The following NIPBL variants were observed in gnomAD, a reference collection of about 807,000 sequenced individuals.
The protein encoded by NIPBL is nipped-B-like protein.
In NIPBL, 19 loss-of-function variants were observed where a neutral mutation model predicts 321.8. The ratio of observed to expected loss-of-function variants is 0.06; its 90% CI spans 0.04 to 0.09. The LOEUF (loss-of-function observed/expected upper bound fraction) is 0.09. NIPBL is among the 10% of genes least tolerant of loss of function. The probability of loss-of-function intolerance (pLI) is 1.00; values close to 1 mark genes in which losing one functional copy is unlikely to be tolerated. For synonymous variants in NIPBL, 1,106 were observed against 1,114.1 expected (o/e 0.99, Z 0.14); for missense variants, 2,210 against 3,327.0 (o/e 0.66, Z 8.26).
chr5:36,890,410 A>G (rs1746233095), intron 1 of NIPBL, among the ~76,000 whole-genome samples: 1 of 152,220 alleles, frequency 6.6e-6, no homozygotes, highest in Admixed American at 6.5e-5. Context: ...TTTCATTCAC[A>G]TCTTAATTCA....
At chr5:36,912,492 G>C (rs1748120586) in intron 1 of NIPBL, among the ~76,000 whole-genome samples, 1 of 150,982 alleles carries the variant, frequency 6.6e-6, no homozygotes, top group African/African-American at 2.4e-5. Context: ...TAGAGAACAT[G>C]TATTACTGAT....
At chr5:36,978,480 C>T (rs1743763813) in intron 9 of NIPBL, among the ~76,000 whole-genome samples, 1 of 151,628 alleles carries the variant, frequency 6.6e-6, no homozygotes, top group Non-Finnish European at 1.5e-5. Flanking sequence ...TATAGATTCT[C>T]AGTATTAGAC....
chr5:37,063,747 A>C (rs1242922256), intron 45 of NIPBL, 43 bp from the exon 46 acceptor site: 12 of 1,559,498 alleles, frequency 7.7e-6, no homozygotes, highest in Non-Finnish European at 1.0e-5. Context: ...ATCTTGCTTG[A>C]AATATTTACT....
intron 1 of NIPBL, among the ~76,000 whole-genome samples, chr5:36,945,084 A>C (rs1289941623): frequency 6.6e-6 from 1 of 152,154 alleles, no homozygotes; most frequent in African/African-American, 2.4e-5. Context: ...ATGAGAAATA[A>C]ATTTTGTTTT....
chr5:36,995,933 GT>G (rs146311166), intron 11 of NIPBL, 129 bp downstream of exon 11: 1 of 764,238 alleles, frequency 1.3e-6, no homozygotes, highest in Admixed American at 2.7e-5. Flanking sequence ...AGTATAGTAA[GT>G]TTTTTTCTCT....
At chr5:36,905,980 G>A (rs1175328916) in intron 1 of NIPBL, among the ~76,000 whole-genome samples, 3 of 151,996 alleles carry the variant, frequency 2.0e-5, no homozygotes, top group East Asian at 1.9e-4. Context: ...TCCTGACCTC[G>A]TGATCCGCCC....
intron 1 of NIPBL, among the ~76,000 whole-genome samples, chr5:36,952,070 G>GCGCA (rs1554010339): frequency 7.2e-6 from 1 of 139,228 alleles, no homozygotes; most frequent in Non-Finnish European, 1.6e-5. Context: ...GCGCGCGCGC[G>GCGCA]CGCATGTGTG....
chr5:37,018,901 G>A (rs146899607), intron 24 of NIPBL, among the ~76,000 whole-genome samples: 21 of 152,108 alleles, frequency 1.4e-4, no homozygotes, highest in East Asian at 5.8e-4. Flanking sequence ...TCAGGAGTTC[G>A]AGATCAGCTT....
At chr5:37,029,518 T>G (rs748130360) in intron 32 of NIPBL, among the ~76,000 whole-genome samples, 4 of 152,210 alleles carry the variant, frequency 2.6e-5, no homozygotes, top group Non-Finnish European at 5.9e-5. Context: ...GAATAATGCT[T>G]CTGTGAATAT....
chr5:36,961,623 ATGGTGAATATGC>A (rs1362268289), intron 5 of NIPBL, 40 bp downstream of exon 5: 3 of 1,162,188 alleles, frequency 2.6e-6, no homozygotes, highest in African/African-American at 3.0e-5. Flanking sequence ...ATTGTCTTGT[ATGGTGAATATGC>A]TGGTGAATAT....
At chr5:37,035,278 C>A (rs146845042) in intron 32 of NIPBL, among the ~76,000 whole-genome samples, 3 of 152,204 alleles carry the variant, frequency 2.0e-5, no homozygotes, top group Non-Finnish European at 4.4e-5. Flanking sequence ...CAGAAAAGAC[C>A]AAACTAGAAT....
At chr5:36,902,697 T>C (rs1459714130) in intron 1 of NIPBL, among the ~76,000 whole-genome samples, 1 of 148,074 alleles carries the variant, frequency 6.8e-6, no homozygotes, top group African/African-American at 2.7e-5. Context: ...GCTTTGTTCT[T>C]TTTGCTTAGG....
chr5:36,965,294 T>C (rs910077677), intron 6 of NIPBL, among the ~76,000 whole-genome samples: 5 of 151,934 alleles, frequency 3.3e-5, no homozygotes, highest in African/African-American at 1.2e-4. Context: ...CATCAGTGGA[T>C]GAATAGAGAA....
At chr5:36,923,132 G>A (rs186125800) in intron 1 of NIPBL, among the ~76,000 whole-genome samples, 4 of 151,890 alleles carry the variant, frequency 2.6e-5, no homozygotes, top group Admixed American at 6.6e-5. Context: ...TTGTAATTTT[G>A]TACTAAAAAT....
Position 36,876,883 on chromosome 5 carries a change from C to A in NIPBL, c.-375C>A, listed in dbSNP as rs1226683266. 3 of 395,256 alleles carry A rather than the reference C, an allele frequency of 7.6e-6. No individual in the cohort carries two copies. Among genetic ancestry groups the A allele is most frequent in the Non-Finnish European group, 1.3e-5 (3 of 224,654 alleles). 24.5% of individuals were successfully genotyped at this position (395,256 alleles called of 1,614,324 possible). ...CGACTCACCCGACACCACCAAGCCG[C>A]AGGGAGGGACGCCCCCGCCGACAGG... is the stretch of plus-strand genomic sequence containing the variant. On this transcript the variant is annotated 5_prime_UTR_variant, in exon 1 of 47. Coordinates refer to ENST00000282516, the MANE Select transcript of NIPBL (RefSeq NM_133433.4).
intron 1 of NIPBL, among the ~76,000 whole-genome samples, chr5:36,947,207 A>G (rs1008894682): frequency 6.6e-6 from 1 of 152,028 alleles, no homozygotes; most frequent in East Asian, 1.9e-4. Flanking sequence ...TCAACCCTCA[A>G]TAAGTGGCTT....
chr5:37,053,876 A>T (rs942793692), intron 42 of NIPBL, among the ~76,000 whole-genome samples: 5 of 152,212 alleles, frequency 3.3e-5, no homozygotes, highest in Non-Finnish European at 5.9e-5. Flanking sequence ...CAGAGCACGC[A>T]TGAACCTATG....
chr5:36,998,914 T>A (rs547248900), intron 11 of NIPBL, among the ~76,000 whole-genome samples: 1 of 152,298 alleles, frequency 6.6e-6, no homozygotes, highest in Non-Finnish European at 1.5e-5. Context: ...TCATACCTAA[T>A]TATGAAGAAA....
intron 1 of NIPBL, among the ~76,000 whole-genome samples, chr5:36,925,795 A>G (rs1313085370): frequency 6.6e-6 from 1 of 152,106 alleles, no homozygotes; most frequent in African/African-American, 2.4e-5. Flanking sequence ...TACAGTTCCC[A>G]TTGTCTGTTC....
Sources: gnomAD v4.1 joint callset for allele counts (sites outside exome capture counted in the v4.1 genomes callset) on GRCh38, gnomAD v4.1.1 for gene constraint, MANE v1.5 for transcripts, NCBI Gene and HGNC (gene_info 2026-07-23, HGNC 2026-07-21) for gene names.